Variants in PLXNA3 observed in about 807,000 individuals in gnomAD.
PLXNA3 encodes the protein plexin A3.
In PLXNA3, 52 loss-of-function variants were observed where a neutral mutation model predicts 118.8. That is an observed-to-expected ratio of 0.44 (90% CI 0.35 to 0.55). The LOEUF (loss-of-function observed/expected upper bound fraction) is 0.55. Among genes scored for constraint, PLXNA3 ranks in the 20% least tolerant of loss-of-function variants. The pLI is 0.01. For synonymous variants in PLXNA3, 925 were observed against 762.4 expected (o/e 1.21, Z -3.51); for missense variants, 1,660 against 1,730.8 (o/e 0.96, Z 0.73).
intron 30 of PLXNA3, 104 bp downstream of exon 30, chrX:154,470,715 G>C: frequency 1.3e-6 from 1 of 777,535 alleles, no homozygotes; most frequent in Non-Finnish European, 1.9e-6. Flanking sequence ...ATCCAGGCAG[G>C]AGGGAATGAG....
intron 3 of PLXNA3, 51 bp downstream of exon 3, chrX:154,461,689 C>T (rs1302428826): frequency 7.3e-6 from 8 of 1,095,775 alleles, no homozygotes; most frequent in Middle Eastern, 2.9e-4. Flanking sequence ...CCAGGTCTAC[C>T]ATGCCCAGCG....
Position 154,466,431 on chromosome X carries a change from G to A in PLXNA3, c.2855G>A (p.Arg952Gln), listed in dbSNP as rs1557207155. 33 of 1,209,957 alleles carry A rather than the reference G, an allele frequency of 2.7e-5. No individual in the cohort carries two copies. The highest frequency in any genetic ancestry group is 5.3e-5 in the South Asian group (3 of 56,867). ...PSRGPASGGT[R>Q]LTISGSSLDA... ...CGTGGCCCGGCGTCCGGGGGCACAC[G>A]GCTTACCATCTCAGGCAGCTCTCTG... Residue 952 changes from arginine to glutamine, a missense_variant, in exon 16 of 33, where the codon CGG becomes CAG. By Grantham distance (43) the Arg-to-Gln change is conservative. Around this residue, in one of 2 missense-constraint regions of PLXNA3, gnomAD observed 869 missense variants for 1,078.7 expected, o/e 0.81. Coordinates refer to ENST00000369682, the MANE Select transcript of PLXNA3 (RefSeq NM_017514.5).
Position 154,470,019 on chromosome X carries a change from C to T in PLXNA3, c.4838C>T (p.Ser1613Leu), listed in dbSNP as rs1557208827. 7 of 1,210,237 alleles carry T rather than the reference C, an allele frequency of 5.8e-6. No individual in the cohort carries two copies. The highest frequency in any genetic ancestry group is 3.0e-5 in the East Asian group (1 of 33,804). ...GCCAGCAGCCCTGATAGCCTCCGCT[C>T]ACGGGCACCCATGATTACGCCTGAC... ...RTASSPDSLR[S>L]RAPMITPDQE... The change falls in exon 29 of 33, where the codon TCA becomes TTA. Residue 1613 changes from serine (S) to leucine (L), a missense_variant. Ser to Leu is a moderately radical substitution (Grantham distance 145). Transcript: ENST00000369682.
rs1342632484 is a variant in PLXNA3, at chrX:154,468,525, G to A, written c.4186G>A (p.Glu1396Lys). 3.3e-6 allele frequency: 4 copies of A among 1,209,002 alleles called. No homozygotes were observed. The highest frequency in any genetic ancestry group is 2.3e-4 in the Middle Eastern group (1 of 4,371). Residue 1396 changes from glutamate to lysine, a missense_variant, in exon 23 of 33, where the codon GAG becomes AAG. Physicochemically the swap from Glu to Lys is moderately conservative, Grantham distance 56. Coordinates refer to ENST00000369682, the MANE Select transcript of PLXNA3 (RefSeq NM_017514.5). ...LLADLIEKNLESKNHPKLLLR... is the reference protein window; with the variant it reads ...LLADLIEKNLKSKNHPKLLLR... Reference sequence around the variant, plus strand: ...GGCCGACCTCATCGAGAAGAACCTCGAGAGCAAGAACCACCCCAAGCTGCT... The same window carrying A: ...GGCCGACCTCATCGAGAAGAACCTCAAGAGCAAGAACCACCCCAAGCTGCT...
At chrX:154,459,082 C>T (rs1557202693) in intron 1 of PLXNA3, among the ~76,000 whole-genome samples, 1 of 111,390 alleles carries the variant, frequency 9.0e-6, no homozygotes, top group Non-Finnish European at 1.9e-5. Flanking sequence ...CAAGCTGGGC[C>T]CGCTGCTTGT....
At position 154,471,585 on chromosome X, in the gene PLXNA3, G is replaced by T. The variant is rs782426462; in HGVS notation, c.5467G>T (p.Val1823Phe). 21 of 1,209,716 alleles carry T rather than the reference G, an allele frequency of 1.7e-5. No homozygotes were observed. In the Admixed American group the frequency reaches 3.3e-4, roughly 19 times the overall value. The change falls in exon 32 of 33, where the codon GTC (valine) becomes TTC (phenylalanine). Residue 1823 changes from valine to phenylalanine, a missense_variant. This residue lies in a region of PLXNA3 where 869 missense variants were observed against 1,078.7 expected (regional missense o/e 0.81). Coordinates refer to ENST00000369682, the MANE Select transcript of PLXNA3 (RefSeq NM_017514.5). Reference protein sequence around the residue: ...QSRLHASDFSVLSALNELYFY... With the variant: ...QSRLHASDFSFLSALNELYFY... The stretch of plus-strand genomic sequence containing the variant: ...CCGCCTCCACGCCAGCGACTTCAGC[G>T]TCCTGAGTGCGCTCAACGAGCTGTA...
In PLXNA3 at chrX:154,462,240, G is replaced by A; in HGVS notation, c.1247G>A (p.Ser416Asn). ...GCCGACAGCACCGACGGCATGGCCA[G>A]CGTGGCCGCCTACACCTACCGCCAG... ...LLADSTDGMA[S>N]VAAYTYRQHS... is the part of the protein sequence containing the mutation. Residue 416 changes from serine (S) to asparagine (N), a missense_variant, in exon 4 of 33, where the codon AGC becomes AAC. Ser to Asn is a conservative substitution (Grantham distance 46). Transcript: ENST00000369682. 1 of 1,201,139 alleles carries A rather than the reference G, an allele frequency of 8.3e-7. No individual in the cohort carries two copies. Among genetic ancestry groups the A allele is most frequent in the South Asian group, 1.8e-5 (1 of 55,794 alleles).
chrX:154,464,411 G>A lies in PLXNA3; in HGVS notation c.1838G>A (p.Arg613His), dbSNP rs372028579. The A allele has an allele frequency of 3.1e-5, 38 of 1,208,861 alleles. No homozygotes were observed. The highest frequency in any genetic ancestry group is 2.3e-4 in the Middle Eastern group (1 of 4,366). Reference protein sequence around the residue: ...RALTRGHGATRTVRLQLLSKE... With the variant: ...RALTRGHGATHTVRLQLLSKE... ...CCCGGGACTGCTGCAGGGGCCACCC[G>A]CACTGTGCGGCTGCAGCTTCTCTCC... is the stretch of plus-strand genomic sequence containing the variant. The change falls in exon 9 of 33, where the codon CGC (arginine) becomes CAC (histidine). Residue 613 changes from arginine to histidine, a missense_variant. Arg to His is a conservative substitution (Grantham distance 29). Around this residue, in one of 2 missense-constraint regions of PLXNA3, gnomAD observed 791 missense variants for 652.1 expected, o/e 1.21. Transcript: ENST00000369682.
Position 154,475,431 on chromosome X carries a change from G to A in PLXNA3, c.*2746G>A, listed in dbSNP as rs970363405. On this transcript the variant is annotated 3_prime_UTR_variant, in exon 33 of 33. Coordinates refer to ENST00000369682, the MANE Select transcript of PLXNA3 (RefSeq NM_017514.5). Reference sequence around the variant, plus strand: ...TCTTTTTTTGTTTTTGTTTTTTTTTGAGATGCAATTTTAAATAGGGTGGCT... The same window carrying A: ...TCTTTTTTTGTTTTTGTTTTTTTTTAAGATGCAATTTTAAATAGGGTGGCT... 9.1e-6 allele frequency: 1 copy of A among 109,498 alleles called. No homozygotes were observed. The highest frequency in any genetic ancestry group is 3.3e-5 in the African/African-American group (1 of 30,023). The allele number at this position is 109,498 out of a possible 1,213,427, so 9.0% of individuals were successfully genotyped here. A position where few individuals can be genotyped will look rare whatever the true frequency, so the allele number is the denominator to read the frequency against.
At position 154,467,277 on chromosome X, in the gene PLXNA3, G is replaced by A. The variant is rs781801042; in HGVS notation, c.3247G>A (p.Gly1083Ser). ...NDTAMLCKAP[G>S]IFLGRPQPRA... is the part of the protein sequence containing the mutation. The stretch of plus-strand genomic sequence containing the variant: ...CACTGCCATGCTGTGTAAGGCCCCC[G>A]GCATCTTTCTTGGGCGGCCCCAGCC... Residue 1083 changes from glycine (G) to serine (S), a missense_variant, in exon 19 of 33, where the codon GGC (glycine) becomes AGC (serine). Around this residue, in one of 2 missense-constraint regions of PLXNA3, gnomAD observed 869 missense variants for 1,078.7 expected, o/e 0.81. Coordinates refer to ENST00000369682, the MANE Select transcript of PLXNA3 (RefSeq NM_017514.5). 8 of 1,208,197 alleles carry A rather than the reference G, an allele frequency of 6.6e-6. No individual in the cohort carries two copies. The highest frequency in any genetic ancestry group is 8.9e-6 in the Non-Finnish European group (8 of 894,755).
rs1383531522 is a variant in PLXNA3, at chrX:154,473,739, G to T, written c.*1054G>T. 8.9e-6 allele frequency: 1 copy of T among 111,986 alleles called. No individual in the cohort carries two copies. Among genetic ancestry groups the T allele is most frequent in the Non-Finnish European group, 1.9e-5 (1 of 53,103 alleles). 9.2% of individuals were successfully genotyped at this position (111,986 alleles called of 1,213,427 possible). On this transcript the variant is annotated 3_prime_UTR_variant, in exon 33 of 33. Coordinates refer to ENST00000369682, the MANE Select transcript of PLXNA3 (RefSeq NM_017514.5). ...GGGAGAAAGGACCACTCCTTGCAGG[G>T]TCCCAGAGGGTTTGGGGAGGTTCAG...
rs782485756 is a variant in PLXNA3 at position 154,465,177 on chromosome X, G to A, written c.2203G>A (p.Val735Met). The A allele has an allele frequency of 8.3e-6, 10 of 1,208,585 alleles. No homozygotes were observed. Among genetic ancestry groups the A allele is most frequent in the East Asian group, 3.0e-5 (1 of 33,773 alleles). Reference sequence around the variant, plus strand: ...GGGGCGGCAGCAGCGGGTGCCTGCCGTGCGCTTCAACAGCAGCAGTGTGCA... The same window carrying A: ...GGGGCGGCAGCAGCGGGTGCCTGCCATGCGCTTCAACAGCAGCAGTGTGCA... The part of the protein sequence containing the change: ...VQGRQQRVPA[V>M]RFNSSSVQCQ... The change falls in exon 11 of 33, where the codon GTG (valine) becomes ATG (methionine). Residue 735 changes from valine to methionine, a missense_variant. Around this residue, in one of 2 missense-constraint regions of PLXNA3, gnomAD observed 869 missense variants for 1,078.7 expected, o/e 0.81. Coordinates refer to ENST00000369682, the MANE Select transcript of PLXNA3 (RefSeq NM_017514.5).
In PLXNA3 at chrX:154,471,210, C is replaced by T. The variant is rs2069178831; in HGVS notation, c.5262C>T (p.Thr1754=). 3.3e-6 allele frequency: 4 copies of T among 1,210,288 alleles called. No homozygotes were observed. In the East Asian group the frequency reaches 8.9e-5, roughly 27 times the overall value. ...CCTGCCTGTCGGTGGTAGCCCAGAC[C>T]TTCATGGACTCCTGCTCTACATCCG... ...TDACLSVVAQ[T]FMDSCSTSEH... is the part of the protein sequence containing the mutation. The change falls in exon 31 of 33, where the codon ACC becomes ACT. Residue 1754 remains threonine, a synonymous_variant. Coordinates refer to ENST00000369682, the MANE Select transcript of PLXNA3 (RefSeq NM_017514.5).
rs1468193275 is a variant in PLXNA3 at position 154,461,227 on chromosome X, G to T, written c.723G>T (p.Leu241=). The change falls in exon 3 of 33, where the codon CTG becomes CTT. Residue 241 remains leucine (L), a synonymous_variant. Coordinates refer to ENST00000369682, the MANE Select transcript of PLXNA3 (RefSeq NM_017514.5). The part of the protein sequence containing the change: ...VSASFVYFLT[L]QLDTQQTLLD... ...CCTCCTTCGTGTACTTCCTGACGCT[G>T]CAGCTGGACACCCAGCAGACGCTGT... 1 of 1,212,524 alleles carries T rather than the reference G, an allele frequency of 8.2e-7. No individual in the cohort carries two copies. The highest frequency in any genetic ancestry group is 1.7e-5 in the African/African-American group (1 of 58,115).
rs1288188246 is a variant in PLXNA3, at chrX:154,469,403, G to C, written c.4619G>C (p.Arg1540Pro). 13 of 1,207,968 alleles carry C rather than the reference G, an allele frequency of 1.1e-5. No homozygotes were observed. Among genetic ancestry groups the C allele is most frequent in the Non-Finnish European group, 1.2e-5 (11 of 893,464 alleles). ...DLEWRQGRMT[R>P]IILQDEDVTT... is the part of the protein sequence containing the mutation. ...GAGTGGCGCCAGGGCCGCATGACTC[G>C]CATCATCCTCCAGGATGAGGATGTC... The change falls in exon 27 of 33, where the codon CGC (arginine) becomes CCC (proline). Residue 1540 changes from arginine to proline, a missense_variant. By Grantham distance (103) the Arg-to-Pro change is moderately radical (BLOSUM62 -2). Around this residue, in one of 2 missense-constraint regions of PLXNA3, gnomAD observed 869 missense variants for 1,078.7 expected, o/e 0.81. Transcript: ENST00000369682.
chrX:154,472,839 C>T lies in PLXNA3; in HGVS notation c.*154C>T, dbSNP rs1026436230. On this transcript the variant is annotated 3_prime_UTR_variant, in exon 33 of 33. Transcript: ENST00000369682. ...CCACGATGCCCCCGGCACACCCAGG[C>T]CCCCTTCATTAGTGCCTTGCTTTGG... 1.2e-4 allele frequency: 54 copies of T among 444,830 alleles called. No individual in the cohort carries two copies. Among genetic ancestry groups the T allele is most frequent in the Non-Finnish European group, 2.1e-4 (51 of 246,943 alleles). 36.7% of individuals were successfully genotyped at this position (444,830 alleles called of 1,213,427 possible).
chrX:154,469,171 G>C lies in PLXNA3; in HGVS notation c.4550G>C (p.Gly1517Ala). Reference sequence around the variant, plus strand: ...AAGCTGCTGGACACTGTGTACAAGGGCATTCCGTACTCCCAGCGTCCCAAA... The same window carrying C: ...AAGCTGCTGGACACTGTGTACAAGGCCATTCCGTACTCCCAGCGTCCCAAA... ...KDKLLDTVYK[G>A]IPYSQRPKAE... The change falls in exon 26 of 33, where the codon GGC (glycine) becomes GCC (alanine). Residue 1517 changes from glycine to alanine, a missense_variant. Physicochemically the swap from Gly to Ala is moderately conservative, Grantham distance 60 (BLOSUM62 0). Coordinates refer to ENST00000369682, the MANE Select transcript of PLXNA3 (RefSeq NM_017514.5). The C allele has an allele frequency of 1.7e-6, 2 of 1,211,202 alleles. No individual in the cohort carries two copies. Among genetic ancestry groups the C allele is most frequent in the Non-Finnish European group, 2.2e-6 (2 of 895,408 alleles).
chrX:154,468,727 A>C lies in PLXNA3; in HGVS notation c.4285A>C (p.Lys1429Gln), dbSNP rs1557208346. 3 of 1,211,327 alleles carry C rather than the reference A, an allele frequency of 2.5e-6. No individual in the cohort carries two copies. The Admixed American group carries it at 6.5e-5, about 26-fold the overall frequency. ...WFTFLLHKFLKECAGEPLFLL... is the reference protein window; with the variant it reads ...WFTFLLHKFLQECAGEPLFLL... ...CACGTTCCTGCTGCATAAGTTTCTGAAGGTGCGCCAGGTGGGTGGGCGGCA... is the reference window on the plus strand; with the variant it reads ...CACGTTCCTGCTGCATAAGTTTCTGCAGGTGCGCCAGGTGGGTGGGCGGCA... The change falls in exon 24 of 33, where the codon AAG (lysine) becomes CAG (glutamine). Residue 1429 changes from lysine to glutamine, a missense_variant and splice_region_variant. Physicochemically the swap from Lys to Gln is moderately conservative, Grantham distance 53. Around this residue, in one of 2 missense-constraint regions of PLXNA3, gnomAD observed 869 missense variants for 1,078.7 expected, o/e 0.81. Coordinates refer to ENST00000369682, the MANE Select transcript of PLXNA3 (RefSeq NM_017514.5).
In PLXNA3 at chrX:154,465,475, G is replaced by A. The variant is rs149353057; in HGVS notation, c.2296G>A (p.Val766Ile). Reference sequence around the variant, plus strand: ...TGACACCGAGCTGGACTTTTCCGTGGTCTGGGATGGAGACTTCCCCATAGA... The same window carrying A: ...TGACACCGAGCTGGACTTTTCCGTGATCTGGGATGGAGACTTCCCCATAGA... ...HGDTELDFSV[V>I]WDGDFPIDKP... Residue 766 changes from valine (V) to isoleucine (I), a missense_variant, in exon 12 of 33, where the codon GTC becomes ATC. This residue lies in a region of PLXNA3 where 869 missense variants were observed against 1,078.7 expected (regional missense o/e 0.81). Coordinates refer to ENST00000369682, the MANE Select transcript of PLXNA3 (RefSeq NM_017514.5). 1 of 1,209,684 alleles carries A rather than the reference G, an allele frequency of 8.3e-7. No homozygotes were observed. The highest frequency in any genetic ancestry group is 1.8e-5 in the South Asian group (1 of 56,934).
Sources: allele counts gnomAD v4.1 joint callset (sites outside exome capture counted in the v4.1 genomes callset), GRCh38; gene constraint gnomAD v4.1.1; regional missense constraint gnomAD v4.1.1; transcripts MANE v1.5; gene names NCBI Gene and HGNC (gene_info 2026-07-23, HGNC 2026-07-21).